The following CFHR3 variants were observed in gnomAD, a reference collection of about 807,000 sequenced individuals.
The protein encoded by CFHR3 is complement factor H-related protein 3.
CFHR3 carries 22 observed loss-of-function variants against 36.0 expected under a neutral mutation model. The observed-to-expected ratio is 0.61, with a 90% CI of 0.44 to 0.87. The LOEUF (loss-of-function observed/expected upper bound fraction) is 0.87, where lower values mean the gene tolerates loss of function less well. Ranked by LOEUF, CFHR3 falls within the 40% of genes least tolerant of loss-of-function variation. The pLI is 0.00. For missense variants in CFHR3, 276 were observed against 401.3 expected, an observed-to-expected ratio of 0.69 and a Z score of 2.67; for synonymous variants, 97 against 137.4, an observed-to-expected ratio of 0.71 and a Z score of 2.06.
chr1:196,781,774 T>C (rs1387693465), intron 3 of CFHR3, among the ~76,000 whole-genome samples: 5 of 134,982 alleles, frequency 3.7e-5, no homozygotes, highest in African/African-American at 1.6e-4. Flanking sequence ...CTGATGGTAG[T>C]TTCTTTTGCT....
At chr1:196,788,641 A>G in intron 4 of CFHR3, 8 of 1,404,876 alleles carry the variant, frequency 5.7e-6, no homozygotes, top group Non-Finnish European at 7.6e-6. Flanking sequence ...CAATCTTATC[A>G]TGTACAGACT....
chr1:196,777,982 TAAAAAAAA>T (rs202127437), intron 1 of CFHR3, among the ~76,000 whole-genome samples: 2 of 89,872 alleles, frequency 2.2e-5, no homozygotes, highest in South Asian at 4.4e-4. Flanking sequence ...ACAAGACTGT[TAAAAAAAA>T]AAAAAAAAAA....
chr1:196,789,633 A>G (rs1654343861), intron 4 of CFHR3: 6 of 1,408,948 alleles, frequency 4.3e-6, no homozygotes, highest in Admixed American at 3.9e-5. Flanking sequence ...CAAATTTAAA[A>G]GCGGTTTAAG....
At position 196,789,646 on chromosome 1, in the gene CFHR3, C is replaced by G. The variant is rs1654344593; in HGVS notation, c.614-399C>G. On this transcript the variant is annotated intron_variant, in intron 4 of 5. Transcript: ENST00000367425. ...CACAAATTTAAAAGCGGTTTAAGCT[C>G]CGTGACACATTGGACTACGAATGCT... 36 of 1,435,570 alleles carry G rather than the reference C, an allele frequency of 2.5e-5. 4 individuals are homozygous for G. Among genetic ancestry groups the G allele is most frequent in the Non-Finnish European group, 3.2e-5 (34 of 1,073,262 alleles). 88.9% of individuals were successfully genotyped at this position (1,435,570 alleles called of 1,614,324 possible).
At chr1:196,786,966 A>AT (rs1654232862) in intron 3 of CFHR3, among the ~76,000 whole-genome samples, 1 of 137,184 alleles carries the variant, frequency 7.3e-6, no homozygotes, top group South Asian at 2.5e-4. Context: ...TATGATATCT[A>AT]TTTTTTAGTT....
intron 3 of CFHR3, among the ~76,000 whole-genome samples, chr1:196,787,151 T>C (rs1654238743): frequency 7.3e-6 from 1 of 137,286 alleles, no homozygotes; most frequent in African/African-American, 3.0e-5. Context: ...ATGGGAATCT[T>C]CCTACACCAT....
rs1382362129 is a variant in CFHR3 at position 196,795,038 on chromosome 1, A to T, written c.*1525A>T. 1.5e-5 allele frequency: 2 copies of T among 137,098 alleles called. 1 individual carries two copies. The allele number at this position is 137,098 out of a possible 1,614,324, so 8.5% of individuals were successfully genotyped here. A position where few individuals can be genotyped will look rare whatever the true frequency, so the allele number is the denominator to read the frequency against. The stretch of plus-strand genomic sequence containing the variant: ...AGAATAAAAAGTAAAAAATTGTTTT[A>T]TTAATTCCAGTGACTAATTCTACTT... On this transcript the variant is annotated 3_prime_UTR_variant, in exon 6 of 6. Transcript: ENST00000367425.
At chr1:196,789,058 T>C (rs1359140961) in intron 4 of CFHR3, 1 of 1,162,370 alleles carries the variant, frequency 8.6e-7, no homozygotes, top group Non-Finnish European at 1.1e-6. Flanking sequence ...GAATGCATAA[T>C]GAACAAAGGA....
rs796521308 is a variant in CFHR3 at position 196,791,813 on chromosome 1, C to T, written c.797-1504C>T. On this transcript the variant is annotated intron_variant, in intron 5 of 5. Coordinates refer to ENST00000367425, the MANE Select transcript of CFHR3 (RefSeq NM_021023.6). ...TAGGTTTCAGAGATAAATTCTGAGT[C>T]TTAAATTTGATTGACTGAGGAGATG... Among the ~76,000 whole-genome samples, 227 of 135,752 alleles carry T rather than the reference C, an allele frequency of 1.7e-3. 50 individuals are homozygous for T. The highest frequency in any genetic ancestry group is 6.8e-3 in the African/African-American group (219 of 32,168). 89.1% of individuals were successfully genotyped at this position (135,752 alleles called of 152,430 possible). A position where few individuals can be genotyped will look rare whatever the true frequency, so the allele number is the denominator to read the frequency against.
rs1384751779 is a variant in CFHR3, at chr1:196,794,439, G to C, written c.*926G>C. On this transcript the variant is annotated 3_prime_UTR_variant, in exon 6 of 6. Coordinates refer to ENST00000367425, the MANE Select transcript of CFHR3 (RefSeq NM_021023.6). ...GATAGTGCCACTGCACTCCAGCCTG[G>C]GCAATAGAGTGAGACTCTGTCTTAA... 1.2e-5 allele frequency: 4 copies of C among 347,264 alleles called. 2 individuals are homozygous for C. Among genetic ancestry groups the C allele is most frequent in the African/African-American group, 1.1e-4 (4 of 35,920 alleles). 21.5% of individuals were successfully genotyped at this position (347,264 alleles called of 1,614,324 possible).
intron 3 of CFHR3, among the ~76,000 whole-genome samples, chr1:196,785,764 T>C (rs568860): frequency 0.31 from 41,820 of 135,624 alleles, 12,643 homozygotes; most frequent in African/African-American, 0.53. Context: ...TCCTGTAGCT[T>C]GGAGTAGTTT....
chr1:196,785,303 A>C lies in CFHR3; in HGVS notation c.431-2913A>C, dbSNP rs1268740102. On this transcript the variant is annotated intron_variant, in intron 3 of 5. Transcript: ENST00000367425. ...TGTCTTGGAGTTGCTCTTCTCTAGGAGTATCTTTGTGGCGTTCTCTGTATT... is the reference window on the plus strand; with the variant it reads ...TGTCTTGGAGTTGCTCTTCTCTAGGCGTATCTTTGTGGCGTTCTCTGTATT... 2.0e-4 allele frequency among the ~76,000 whole-genome samples: 26 copies of C among 133,332 alleles called. 2 individuals carry two copies. The highest frequency in any genetic ancestry group is 3.0e-4 in the Non-Finnish European group (19 of 63,742). 87.5% of individuals were successfully genotyped at this position (133,332 alleles called of 152,430 possible).
In CFHR3 at chr1:196,793,718, C is replaced by A. The variant is rs1479205494; in HGVS notation, c.*205C>A. On this transcript the variant is annotated 3_prime_UTR_variant, in exon 6 of 6. Transcript: ENST00000367425. ...AACTAAATTATTGCTTATGCTTGTACTAAAATAATAAAAACTACTCTTATA... is the reference window on the plus strand; with the variant it reads ...AACTAAATTATTGCTTATGCTTGTAATAAAATAATAAAAACTACTCTTATA... The A allele has an allele frequency of 1.8e-5, 8 of 451,660 alleles. No individual in the cohort carries two copies. Among genetic ancestry groups the A allele is most frequent in the East Asian group, 8.3e-5 (2 of 24,154 alleles). 28.0% of individuals were successfully genotyped at this position (451,660 alleles called of 1,614,324 possible). A position where few individuals can be genotyped will look rare whatever the true frequency, so the allele number is the denominator to read the frequency against.
rs145923463 is a variant in CFHR3, at chr1:196,787,846, T to G, written c.431-370T>G. Among the ~76,000 whole-genome samples the G allele has an allele frequency of 7.7e-3, 1,060 of 136,960 alleles. 253 individuals are homozygous for G. The highest frequency in any genetic ancestry group is 0.024 in the African/African-American group (780 of 32,796). The allele number at this position is 136,960 out of a possible 152,430, so 89.9% of individuals were successfully genotyped here. On this transcript the variant is annotated intron_variant, in intron 3 of 5. Transcript: ENST00000367425. ...GCCTGGGAAATGGCATTTGACTTAA[T>G]GAGGTTTAAGACCCCTTAATAGTAC...
At chr1:196,789,516 T>C in intron 4 of CFHR3, 2 of 956,854 alleles carry the variant, frequency 2.1e-6, no homozygotes, top group East Asian at 4.3e-5. Context: ...TCATAAATTT[T>C]ATAGAACTTA....
rs1370291642 is a variant in CFHR3, at chr1:196,785,438, C to T, written c.431-2778C>T. On this transcript the variant is annotated intron_variant, in intron 3 of 5. Coordinates refer to ENST00000367425, the MANE Select transcript of CFHR3 (RefSeq NM_021023.6). ...CCATTCTCCCCGTCACTTTCAGGTA[C>T]ACCAATCAGATGTAGATTTGGTCTT... Among the ~76,000 whole-genome samples, 4 of 134,582 alleles carry T rather than the reference C, an allele frequency of 3.0e-5. 1 individual carries two copies. The highest frequency in any genetic ancestry group is 6.2e-5 in the Non-Finnish European group (4 of 64,130). The allele number at this position is 134,582 out of a possible 152,430, so 88.3% of individuals were successfully genotyped here.
chr1:196,793,554 T>C lies in CFHR3; in HGVS notation c.*41T>C. The C allele has an allele frequency of 6.8e-7, 1 of 1,467,928 alleles. No homozygotes were observed. The highest frequency in any genetic ancestry group is 9.3e-7 in the Non-Finnish European group (1 of 1,079,092). 90.9% of individuals were successfully genotyped at this position (1,467,928 alleles called of 1,614,324 possible). On this transcript the variant is annotated 3_prime_UTR_variant, in exon 6 of 6. Coordinates refer to ENST00000367425, the MANE Select transcript of CFHR3 (RefSeq NM_021023.6). ...CTAAATGTATGTCCAACTTCCACTTTTCCACTTCTCACTCTTATGGTCTCA... is the reference window on the plus strand; with the variant it reads ...CTAAATGTATGTCCAACTTCCACTTCTCCACTTCTCACTCTTATGGTCTCA...
Position 196,788,431 on chromosome 1 carries a change from G to C in CFHR3, c.613+33G>C, listed in dbSNP as rs1484885176. Reference sequence around the variant, plus strand: ...ATTTACATATTCCCATTCAGTTTCTGTCAACTTCGTTCCTCTCTTTGAGAT... The same window carrying C: ...ATTTACATATTCCCATTCAGTTTCTCTCAACTTCGTTCCTCTCTTTGAGAT... On this transcript the variant is annotated intron_variant, in intron 4 of 5. Transcript: ENST00000367425. 7.2e-6 allele frequency: 11 copies of C among 1,519,370 alleles called. No individual in the cohort carries two copies. In the East Asian group the frequency reaches 2.5e-4, roughly 34 times the overall value. 94.1% of individuals were successfully genotyped at this position (1,519,370 alleles called of 1,614,324 possible).
At chr1:196,788,644 T>C in intron 4 of CFHR3, 1 of 1,415,628 alleles carries the variant, frequency 7.1e-7, no homozygotes, top group Middle Eastern at 2.0e-4. Flanking sequence ...TCTTATCATG[T>C]ACAGACTAGT....
Sources: allele counts gnomAD v4.1 joint callset (sites outside exome capture counted in the v4.1 genomes callset), GRCh38; gene constraint gnomAD v4.1.1; transcripts MANE v1.5; gene names NCBI Gene and HGNC (gene_info 2026-07-23, HGNC 2026-07-21).